The following PRMT8 variants were observed in gnomAD, a reference collection of about 807,000 sequenced individuals.
PRMT8 encodes protein arginine methyltransferase 8, also known as protein arginine N-methyltransferase 8.
A neutral mutation model predicts 47.1 loss-of-function variants in PRMT8; 7 were observed. The ratio of observed to expected loss-of-function variants is 0.15; its 90% CI spans 0.08 to 0.28. The LOEUF (loss-of-function observed/expected upper bound fraction) is 0.28. Ranked by LOEUF, PRMT8 falls within the 10% of genes least tolerant of loss-of-function variation. PRMT8 has a pLI of 1.00. For missense variants in PRMT8, 237 were observed against 505.4 expected, an observed-to-expected ratio of 0.47 and a Z score of 5.09; for synonymous variants, 188 against 186.5, an observed-to-expected ratio of 1.01 and a Z score of -0.07.
chr12:3,438,014 G>A (rs766382693), intron 1 of PRMT8, among the ~76,000 whole-genome samples: 9 of 152,166 alleles, frequency 5.9e-5, no homozygotes, highest in Non-Finnish European at 1.0e-4. Context: ...CAAGGAGGAA[G>A]TCCTTGGAGA....
intron 1 of PRMT8, among the ~76,000 whole-genome samples, chr12:3,431,796 G>A (rs966836021): frequency 3.4e-4 from 52 of 152,344 alleles, no homozygotes; most frequent in African/African-American, 1.1e-3. Context: ...GAAATGTATA[G>A]TGTAGTCTTC....
intron 1 of PRMT8, among the ~76,000 whole-genome samples, chr12:3,440,813 A>C (rs976161993): frequency 1.3e-5 from 2 of 152,196 alleles, no homozygotes; most frequent in Admixed American, 6.5e-5. Context: ...AAATGGCAGA[A>C]TCAACCCTCC....
chr12:3,507,243 T>G (rs910419679), intron 1 of PRMT8, among the ~76,000 whole-genome samples: 50 of 149,544 alleles, frequency 3.3e-4, no homozygotes, highest in African/African-American at 1.1e-3. Flanking sequence ...TGCCTCAGCC[T>G]CCCGAGTAGC....
chr12:3,544,405 C>G (rs1866289520), intron 2 of PRMT8, among the ~76,000 whole-genome samples: 1 of 152,216 alleles, frequency 6.6e-6, no homozygotes, highest in South Asian at 2.1e-4. Flanking sequence ...TAAAGGGTGA[C>G]CACTGGGGGG....
chr12:3,494,672 G>A (rs1290364681), intron 1 of PRMT8, among the ~76,000 whole-genome samples: 1 of 152,230 alleles, frequency 6.6e-6, no homozygotes, highest in Non-Finnish European at 1.5e-5. Flanking sequence ...CATTGGGCAG[G>A]AAGGGAGCAA....
rs533683320 is a variant in PRMT8, at chr12:3,566,037, A to G, written c.482-2669A>G. On this transcript the variant is annotated intron_variant, in intron 4 of 9. Coordinates refer to ENST00000382622, the MANE Select transcript of PRMT8 (RefSeq NM_019854.5). This position sits in a 1 kb window ranked among gnomAD's most constrained non-coding sequence, Gnocchi z 4.7. ...AATGCAGGAGGAGGAACTGACCCAT[A>G]GCCACACAGACACAGGCAGACATTA... Among the ~76,000 whole-genome samples, 1 of 152,172 alleles carries G rather than the reference A, an allele frequency of 6.6e-6. No individual in the cohort carries two copies.
intron 1 of PRMT8, among the ~76,000 whole-genome samples, chr12:3,479,020 C>T (rs753092842): frequency 3.9e-5 from 6 of 152,228 alleles, no homozygotes; most frequent in Non-Finnish European, 7.3e-5. Context: ...GGCCAAGGGG[C>T]GGCCTCACGG....
At position 3,409,837 on chromosome 12, in the gene PRMT8, A is replaced by G. The variant is rs533361814; in HGVS notation, c.48+28395A>G. ...ATTCCCTGGGAATCCACAGTGCCTC[A>G]TCAGCTTCAGCACCAGGGGGTGTGA... On this transcript the variant is annotated intron_variant, in intron 1 of 9. Coordinates refer to the PRMT8 transcript ENST00000452611. The surrounding 1 kb of genome is among the most constrained non-coding windows in gnomAD (Gnocchi z 4.4). Among the ~76,000 whole-genome samples the G allele has an allele frequency of 6.6e-6, 1 of 152,258 alleles. No homozygotes were observed. Among genetic ancestry groups the G allele is most frequent in the Admixed American group, 6.5e-5 (1 of 15,288 alleles).
At chr12:3,408,953 C>A (rs1301190491) in intron 1 of PRMT8, among the ~76,000 whole-genome samples, 1 of 152,174 alleles carries the variant, frequency 6.6e-6, no homozygotes, top group Non-Finnish European at 1.5e-5. Flanking sequence ...CTCATTTTAT[C>A]CACAAGGGTG....
In PRMT8 at chr12:3,495,468, C is replaced by T. The variant is rs144573091; in HGVS notation, c.75+3768C>T. On this transcript the variant is annotated intron_variant, in intron 1 of 9. Coordinates refer to ENST00000382622, the MANE Select transcript of PRMT8 (RefSeq NM_019854.5). ...TTTCCTCCTTCTTCTCTCTGGAAAACAATCTTTTTCAACCTGCAAGACCCA... is the reference window on the plus strand; with the variant it reads ...TTTCCTCCTTCTTCTCTCTGGAAAATAATCTTTTTCAACCTGCAAGACCCA... 3.7e-3 allele frequency among the ~76,000 whole-genome samples: 561 copies of T among 152,324 alleles called. 3 individuals carry two copies. The highest frequency in any genetic ancestry group is 0.012 in the African/African-American group (519 of 41,570).
At chr12:3,488,459 A>G (rs1865342535), upstream of PRMT8, among the ~76,000 whole-genome samples, 1 of 152,162 alleles carries the variant, frequency 6.6e-6, no homozygotes, top group African/African-American at 2.4e-5. Flanking sequence ...TGACTCACAC[A>G]CTAGTGAACT....
chr12:3,455,925 C>T (rs948747808), intron 1 of PRMT8, among the ~76,000 whole-genome samples: 16 of 152,174 alleles, frequency 1.1e-4, no homozygotes, highest in Non-Finnish European at 1.5e-4. Context: ...GAAAACAGCA[C>T]GTTCCTTTGA....
rs12581829 is a variant in PRMT8 at position 3,560,665 on chromosome 12, A to G, written c.481+6951A>G. The stretch of plus-strand genomic sequence containing the variant: ...TTTACTTCCCAGAAAACTCAAGGAA[A>G]AAAGCATGCCCCTCCTTGTCCTTCT... On this transcript the variant is annotated intron_variant, in intron 4 of 9. Transcript: ENST00000382622. Among the ~76,000 whole-genome samples the G allele has an allele frequency of 5.3e-3, 810 of 152,356 alleles. 19 individuals are homozygous for G. The East Asian group carries it at 0.086, about 16-fold the overall frequency.
At chr12:3,432,343 C>T (rs1286963195) in intron 1 of PRMT8, among the ~76,000 whole-genome samples, 2 of 152,324 alleles carry the variant, frequency 1.3e-5, no homozygotes, top group South Asian at 2.1e-4. Flanking sequence ...TTCTGCCATT[C>T]GGAGCATTGG....
At chr12:3,543,941 C>T (rs1042276885) in intron 2 of PRMT8, among the ~76,000 whole-genome samples, 4 of 152,198 alleles carry the variant, frequency 2.6e-5, no homozygotes, top group African/African-American at 9.6e-5. Flanking sequence ...CTTGGTGCCT[C>T]AGCCACGAGA....
intron 8 of PRMT8, among the ~76,000 whole-genome samples, chr12:3,585,337 A>C (rs977801498): frequency 1.4e-5 from 2 of 147,146 alleles, no homozygotes; most frequent in African/African-American, 5.0e-5. Context: ...GCCATGAAGA[A>C]AATGATGCTT....
At chr12:3,439,484 T>C (rs1317230447) in intron 1 of PRMT8, among the ~76,000 whole-genome samples, 6 of 152,230 alleles carry the variant, frequency 3.9e-5, no homozygotes, top group Admixed American at 3.9e-4. Flanking sequence ...AACAAACGTA[T>C]TTTTAAATGA....
chr12:3,397,996 T>C (rs1002021791), intron 1 of PRMT8, among the ~76,000 whole-genome samples: 2 of 152,126 alleles, frequency 1.3e-5, no homozygotes, highest in Non-Finnish European at 2.9e-5. Context: ...CATCACCCCT[T>C]TGACTAGGAA....
intron 1 of PRMT8, among the ~76,000 whole-genome samples, chr12:3,385,083 A>G (rs1411680433): frequency 6.6e-6 from 1 of 152,202 alleles, no homozygotes; most frequent in East Asian, 1.9e-4. Flanking sequence ...CTATATATTG[A>G]ATTCCCAATT....
Sources: allele counts gnomAD v4.1 joint callset (sites outside exome capture counted in the v4.1 genomes callset), GRCh38; gene constraint gnomAD v4.1.1; non-coding constraint Gnocchi (gnomAD v3.1); transcripts MANE v1.5; gene names NCBI Gene and HGNC (gene_info 2026-07-23, HGNC 2026-07-21).